THAP9: variants seen among roughly 807,000 people sequenced by gnomAD.
THAP9 encodes the protein THAP domain containing 9, also known as DNA transposase THAP9.
THAP9 carries 20 observed loss-of-function variants against 35.7 expected under a neutral mutation model. The ratio of observed to expected loss-of-function variants is 0.56; its 90% CI spans 0.39 to 0.81. The LOEUF is 0.81. THAP9 is among the 40% of genes least tolerant of loss of function. THAP9 has a pLI of 0.00. For missense variants in THAP9, 870 were observed against 1,047.4 expected, an observed-to-expected ratio of 0.83 and a Z score of 2.34; for synonymous variants, 335 against 373.7, an observed-to-expected ratio of 0.90 and a Z score of 1.19.
Position 82,918,701 on chromosome 4 carries a change from A to G in THAP9, c.2489A>G (p.Asn830Ser), listed in dbSNP as rs900098064. ...TTTGATGGAGAAGTGTGTGCCATCA[A>G]TCACTTTGTCAAGTTGCTAAAGGAT... is the stretch of plus-strand genomic sequence containing the variant. ...HLFDGEVCAINHFVKLLKDII... is the reference protein window; with the variant it reads ...HLFDGEVCAISHFVKLLKDII... The change falls in exon 5 of 5, where the codon AAT becomes AGT. Residue 830 changes from asparagine to serine, a missense_variant. Physicochemically the swap from Asn to Ser is conservative, Grantham distance 46. Coordinates refer to ENST00000302236, the MANE Select transcript of THAP9 (RefSeq NM_024672.6). 17 of 1,613,896 alleles carry G rather than the reference A, an allele frequency of 1.1e-5. No homozygotes were observed. The highest frequency in any genetic ancestry group is 1.4e-5 in the Non-Finnish European group (17 of 1,179,922).
At position 82,917,725 on chromosome 4, in the gene THAP9, A is replaced by G. The variant is rs1721087753; in HGVS notation, c.1513A>G (p.Ile505Val). 2 of 1,613,898 alleles carry G rather than the reference A, an allele frequency of 1.2e-6. No individual in the cohort carries two copies. The highest frequency in any genetic ancestry group is 8.5e-7 in the Non-Finnish European group (1 of 1,179,900). ...AGACCTGCCACCTTTTCAAAACTGT[A>G]TTGGTACCATCCATTTTTTACGTTT... The part of the protein sequence containing the change: ...SLDLPPFQNC[I>V]GTIHFLRLIN... Residue 505 changes from isoleucine to valine, a missense_variant, in exon 5 of 5, where the codon ATT becomes GTT. Physicochemically the swap from Ile to Val is conservative, Grantham distance 29. Transcript: ENST00000302236.
chr4:82,915,130 T>TAAAA (rs1313821101), intron 4 of THAP9, among the ~76,000 whole-genome samples: 1 of 152,230 alleles, frequency 6.6e-6, no homozygotes, highest in Non-Finnish European at 1.5e-5. Context: ...GTGGCCTTAT[T>TAAAA]TCCGGTTTGC....
In THAP9 at chr4:82,918,790, T is replaced by G; in HGVS notation, c.2578T>G (p.Ser860Ala). ...TGCACAGAATCCTTTAAAACATCAT[T>G]CAGAGAGAACTGATATGAAAACTTT... ...NVAQNPLKHH[S>A]ERTDMKTLSR... is the part of the protein sequence containing the mutation. Residue 860 changes from serine to alanine, a missense_variant, in exon 5 of 5, where the codon TCA (serine) becomes GCA (alanine). Coordinates refer to ENST00000302236, the MANE Select transcript of THAP9 (RefSeq NM_024672.6). The G allele has an allele frequency of 6.2e-7, 1 of 1,613,796 alleles. No individual in the cohort carries two copies. Among genetic ancestry groups the G allele is most frequent in the African/African-American group, 1.3e-5 (1 of 75,016 alleles).
intron 2 of THAP9, chr4:82,905,797 G>T (rs1455318166): frequency 2.2e-6 from 1 of 451,418 alleles, no homozygotes; most frequent in Non-Finnish European, 4.4e-6. Flanking sequence ...TGTACTAGGA[G>T]ATTTACATAA....
chr4:82,907,892 G>T lies in THAP9; in HGVS notation c.688G>T (p.Val230Leu), dbSNP rs1258317320. 1 of 1,610,896 alleles carries T rather than the reference G, an allele frequency of 6.2e-7. No homozygotes were observed. Among genetic ancestry groups the T allele is most frequent in the Non-Finnish European group, 8.5e-7 (1 of 1,178,980 alleles). Residue 230 changes from valine (V) to leucine (L), a missense_variant, in exon 4 of 5, where the codon GTA becomes TTA. Val to Leu is a conservative substitution (Grantham distance 32). Around this residue, in one of 3 missense-constraint regions of THAP9, gnomAD observed 440 missense variants for 501.2 expected, o/e 0.88. Coordinates refer to ENST00000302236, the MANE Select transcript of THAP9 (RefSeq NM_024672.6). ...GTGCAGTAGCAAAGTCTATGATTATGTAAGAAAGATTCTTAAGCTGCCTCA... is the reference window on the plus strand; with the variant it reads ...GTGCAGTAGCAAAGTCTATGATTATTTAAGAAAGATTCTTAAGCTGCCTCA... ...YLCSSKVYDY[V>L]RKILKLPHSS...
At chr4:82,901,095 G>A (rs1401120935) in intron 1 of THAP9, 2 of 710,982 alleles carry the variant, frequency 2.8e-6, no homozygotes, top group South Asian at 1.5e-5. Context: ...CTGAATAGCC[G>A]GTTCTCGCAC....
In THAP9 at chr4:82,918,454, A is replaced by G. The variant is rs778753096; in HGVS notation, c.2242A>G (p.Lys748Glu). The change falls in exon 5 of 5, where the codon AAA (lysine) becomes GAA (glutamate). Residue 748 changes from lysine to glutamate, a missense_variant. This residue lies in a region of THAP9 where 414 missense variants were observed against 500.8 expected (regional missense o/e 0.83). Transcript: ENST00000302236. ...GTATGCATCGGATCTCAAAGCCTCT[A>G]AAATTGGGTCACTATTATTTGTTAA... ...ALYASDLKAS[K>E]IGSLLFVKKK... The G allele has an allele frequency of 1.2e-5, 19 of 1,614,190 alleles. No homozygotes were observed. In the South Asian group the frequency reaches 1.6e-4, roughly 14 times the overall value.
intron 1 of THAP9, 132 bp from the exon 2 acceptor site, chr4:82,904,599 GTAAAT>G: frequency 1.3e-6 from 1 of 795,660 alleles, no homozygotes; most frequent in Non-Finnish European, 1.9e-6. Context: ...AATGAACTAA[GTAAAT>G]TAAACTTTTA....
At chr4:82,909,219 A>C (rs1720774852) in intron 4 of THAP9, among the ~76,000 whole-genome samples, 1 of 152,108 alleles carries the variant, frequency 6.6e-6, no homozygotes, top group Non-Finnish European at 1.5e-5. Context: ...TTCCTTTATA[A>C]AAAATTATAG....
Position 82,911,595 on chromosome 4 carries a change from G to GA in THAP9, c.731+3667dup, listed in dbSNP as rs1720869636. Among the ~76,000 whole-genome samples the GA allele has an allele frequency of 2.6e-5, 4 of 151,720 alleles. No individual in the cohort carries two copies. The South Asian group carries it at 8.3e-4, about 32-fold the overall frequency. On this transcript the variant is annotated intron_variant, in intron 4 of 4. Transcript: ENST00000302236. ...GGTGACAGAGCGAGATTCCGTCTCA[G>GA]AAAAAAAGATGGGGTCTCACTGTGT...
Position 82,918,735 on chromosome 4 carries a change from CTGTT to C in THAP9, c.2525_2528del (p.Cys842SerfsTer2). ...TCAAGTTGCTAAAGGATATAATAAT[CTGTT>C]TCTTAAATATCAGAGCTAAAAATGT... On this transcript the variant is annotated frameshift_variant, in exon 5 of 5. Coordinates refer to ENST00000302236, the MANE Select transcript of THAP9 (RefSeq NM_024672.6). LOFTEE classifies it low-confidence loss of function (END_TRUNC). The C allele has an allele frequency of 1.2e-6, 2 of 1,613,880 alleles. No homozygotes were observed. The highest frequency in any genetic ancestry group is 1.7e-6 in the Non-Finnish European group (2 of 1,179,910).
At chr4:82,904,693 A>G (rs370868109) in intron 1 of THAP9, 43 bp from the exon 2 acceptor site, 1 of 1,572,086 alleles carries the variant, frequency 6.4e-7, no homozygotes, top group Non-Finnish European at 8.8e-7. Flanking sequence ...TAATAGTACT[A>G]TAATGTTTTC....
Position 82,917,292 on chromosome 4 carries a change from A to G in THAP9, c.1080A>G (p.Lys360=), listed in dbSNP as rs1157260697. The G allele has an allele frequency of 6.2e-7, 1 of 1,614,132 alleles. No homozygotes were observed. Among genetic ancestry groups the G allele is most frequent in the African/African-American group, 1.3e-5 (1 of 75,046 alleles). The change falls in exon 5 of 5, where the codon AAA becomes AAG. Residue 360 remains lysine, a synonymous_variant. Transcript: ENST00000302236. The part of the protein sequence containing the change: ...QAQLLRLTIG[K]LSDIGITVLA... ...AGCTGCTTCGTCTGACTATTGGTAA[A>G]CTGAGTGACATAGGAATCACAGTTC...
chr4:82,903,456 A>G (rs1181189476), intron 1 of THAP9: 1 of 152,166 alleles, frequency 6.6e-6, no homozygotes, highest in Non-Finnish European at 1.5e-5. Flanking sequence ...TCCTGACCTC[A>G]AGTGATCCGC....
Position 82,917,327 on chromosome 4 carries a change from C to T in THAP9, c.1115C>T (p.Thr372Ile), listed in dbSNP as rs753970573. ...ATAGGAATCACAGTTCTGGCTGTTA[C>T]ATCTGATGCCACAGCACATAGTGTT... ...SDIGITVLAV[T>I]SDATAHSVQM... is the part of the protein sequence containing the mutation. The change falls in exon 5 of 5, where the codon ACA (threonine) becomes ATA (isoleucine). Residue 372 changes from threonine to isoleucine, a missense_variant. Thr to Ile is a moderately conservative substitution (Grantham distance 89). Coordinates refer to ENST00000302236, the MANE Select transcript of THAP9 (RefSeq NM_024672.6). 1.9e-6 allele frequency: 3 copies of T among 1,613,688 alleles called. No homozygotes were observed. The highest frequency in any genetic ancestry group is 2.5e-6 in the Non-Finnish European group (3 of 1,179,682).
Position 82,904,881 on chromosome 4 carries a change from A to G in THAP9, c.226A>G (p.Ile76Val), listed in dbSNP as rs138174477. The G allele has an allele frequency of 6.2e-6, 10 of 1,614,086 alleles. No homozygotes were observed. The South Asian group carries it at 6.6e-5, about 11-fold the overall frequency. Reference protein sequence around the residue: ...FQESDFESYGIRRKLKKGAVP... With the variant: ...FQESDFESYGVRRKLKKGAVP... Reference sequence around the variant, plus strand: ...AGAAAGTGACTTTGAGTCATATGGCATAAGAAGAAAGCTGAAAAAAGGAGC... The same window carrying G: ...AGAAAGTGACTTTGAGTCATATGGCGTAAGAAGAAAGCTGAAAAAAGGAGC... Residue 76 changes from isoleucine to valine, a missense_variant, in exon 2 of 5, where the codon ATA (isoleucine) becomes GTA (valine). By Grantham distance (29) the Ile-to-Val change is conservative. Coordinates refer to ENST00000302236, the MANE Select transcript of THAP9 (RefSeq NM_024672.6).
intron 1 of THAP9, among the ~76,000 whole-genome samples, chr4:82,901,476 G>A (rs938291305): frequency 6.6e-6 from 1 of 152,096 alleles, no homozygotes; most frequent in African/African-American, 2.4e-5. Context: ...AGAAAAGTGG[G>A]TAAAATAGAT....
intron 4 of THAP9, among the ~76,000 whole-genome samples, chr4:82,913,729 C>CT (rs983979882): frequency 3.6e-4 from 52 of 146,388 alleles, no homozygotes; most frequent in South Asian, 8.7e-4. Flanking sequence ...AAGTTCTCAT[C>CT]TTTTTTTTTT....
rs138174477 is a variant in THAP9 at position 82,904,881 on chromosome 4, A to C, written c.226A>C (p.Ile76Leu). 3.5e-5 allele frequency: 57 copies of C among 1,613,968 alleles called. No individual in the cohort carries two copies. The highest frequency in any genetic ancestry group is 4.8e-5 in the Non-Finnish European group (57 of 1,180,016). ...FQESDFESYG[I>L]RRKLKKGAVP... ...AGAAAGTGACTTTGAGTCATATGGC[A>C]TAAGAAGAAAGCTGAAAAAAGGAGC... Residue 76 changes from isoleucine (I) to leucine (L), a missense_variant, in exon 2 of 5, where the codon ATA becomes CTA. By Grantham distance (5) the Ile-to-Leu change is conservative. Transcript: ENST00000302236.
Sources: allele counts gnomAD v4.1 joint callset (sites outside exome capture counted in the v4.1 genomes callset), GRCh38; gene constraint gnomAD v4.1.1; regional missense constraint gnomAD v4.1.1; transcripts MANE v1.5; gene names NCBI Gene and HGNC (gene_info 2026-07-23, HGNC 2026-07-21).